Variants in ST14 observed in about 807,000 individuals in gnomAD.
ST14 encodes ST14 transmembrane serine protease matriptase, also known as suppressor of tumorigenicity 14 protein.
A neutral mutation model predicts 96.5 loss-of-function variants in ST14; 40 were observed. The ratio of observed to expected loss-of-function variants is 0.41; its 90% CI spans 0.32 to 0.54. The LOEUF (loss-of-function observed/expected upper bound fraction) is 0.54. ST14 is among the 20% of genes least tolerant of loss of function. ST14 has a pLI of 0.17. For missense variants in ST14, 1,066 were observed against 1,188.9 expected, an observed-to-expected ratio of 0.90 and a Z score of 1.52; for synonymous variants, 506 against 492.1, an observed-to-expected ratio of 1.03 and a Z score of -0.37.
intron 1 of ST14, among the ~76,000 whole-genome samples, chr11:130,179,446 T>G (rs1438893325): frequency 6.6e-6 from 1 of 152,184 alleles, no homozygotes; most frequent in African/African-American, 2.4e-5. Flanking sequence ...TTTCTTTTCC[T>G]TTCTCATTTG....
intron 11 of ST14, among the ~76,000 whole-genome samples, chr11:130,197,516 C>T (rs1428806568): frequency 1.3e-5 from 2 of 152,190 alleles, no homozygotes; most frequent in African/African-American, 4.8e-5. Flanking sequence ...CAGCCCAGCA[C>T]ACAGGGCAGG....
rs111313708 is a variant in ST14, at chr11:130,188,297, C to T, written c.241+24C>T. 4,320 of 1,605,686 alleles carry T rather than the reference C, an allele frequency of 2.7e-3. 74 individuals are homozygous for T. In the African/African-American group the frequency reaches 0.044, roughly 16 times the overall value. On this transcript the variant is annotated intron_variant, in intron 2 of 18. Transcript: ENST00000278742. This position sits in a 1 kb window ranked among gnomAD's most constrained non-coding sequence, Gnocchi z 5.4. ...GTGTGAGTAAAGCTGGGGCTGGCTCCGGGGAGGACGACAAGGGGTGGCTGT... is the reference window on the plus strand; with the variant it reads ...GTGTGAGTAAAGCTGGGGCTGGCTCTGGGGAGGACGACAAGGGGTGGCTGT...
At chr11:130,189,060 G>T in intron 4 of ST14, 121 bp downstream of exon 4, 3 of 1,098,494 alleles carry the variant, frequency 2.7e-6, no homozygotes, top group Non-Finnish European at 4.1e-6. Flanking sequence ...GGAGAGCCAA[G>T]GAGGGTCCTC....
In ST14 at chr11:130,187,013, A is replaced by C. The variant is rs1953243875; in HGVS notation, c.82-1101A>C. Reference sequence around the variant, plus strand: ...CAGGAGTGAGGAGAATCTTTCATGCAGTGAGTTGATAATGGGTAAATGTGA... The same window carrying C: ...CAGGAGTGAGGAGAATCTTTCATGCCGTGAGTTGATAATGGGTAAATGTGA... On this transcript the variant is annotated intron_variant, in intron 1 of 18. Coordinates refer to ENST00000278742, the MANE Select transcript of ST14 (RefSeq NM_021978.4). This position sits in a 1 kb window ranked among gnomAD's most constrained non-coding sequence, Gnocchi z 4.5. Among the ~76,000 whole-genome samples, 1 of 152,226 alleles carries C rather than the reference A, an allele frequency of 6.6e-6. No homozygotes were observed.
At position 130,188,778 on chromosome 11, in the gene ST14, G is replaced by C; in HGVS notation, c.370-91G>C. The C allele has an allele frequency of 6.2e-7, 1 of 1,603,796 alleles. No homozygotes were observed. Among genetic ancestry groups the C allele is most frequent in the Non-Finnish European group, 8.5e-7 (1 of 1,172,762 alleles). On this transcript the variant is annotated intron_variant, in intron 3 of 18. Coordinates refer to ENST00000278742, the MANE Select transcript of ST14 (RefSeq NM_021978.4). This position sits in a 1 kb window ranked among gnomAD's most constrained non-coding sequence, Gnocchi z 5.4. The stretch of plus-strand genomic sequence containing the variant: ...CTGGGATGGGGGTGATCTGCAAAGG[G>C]GACCCGGGCCCTGGAGGGGAGGGAG...
chr11:130,175,569 C>T (rs940839625), intron 1 of ST14, among the ~76,000 whole-genome samples: 3 of 150,432 alleles, frequency 2.0e-5, no homozygotes, highest in Non-Finnish European at 3.0e-5. Context: ...TTAGTAGAGA[C>T]GGGGTTTCTC....
At chr11:130,189,339 G>A in intron 4 of ST14, 1 of 440,494 alleles carries the variant, frequency 2.3e-6, no homozygotes. Context: ...TTCTCAAAGT[G>A]CTTTTTATTT....
At chr11:130,164,425 T>G (rs79494397) in intron 1 of ST14, among the ~76,000 whole-genome samples, 3 of 146,128 alleles carry the variant, frequency 2.1e-5, no homozygotes, top group African/African-American at 2.5e-5. Flanking sequence ...TTATTACTGT[T>G]TTTTTTTTTT....
intron 1 of ST14, among the ~76,000 whole-genome samples, chr11:130,173,836 G>C (rs949513703): frequency 9.2e-5 from 14 of 152,142 alleles, no homozygotes; most frequent in Admixed American, 1.3e-4. Context: ...CTCTGGGAGA[G>C]AGCAGAAGGC....
At chr11:130,204,001 A>G (rs1047922707) in intron 16 of ST14, among the ~76,000 whole-genome samples, 8 of 152,126 alleles carry the variant, frequency 5.3e-5, no homozygotes, top group African/African-American at 1.9e-4. Context: ...CCTTCAGGCC[A>G]TAGGTGGCCA....
At chr11:130,205,168 C>G (rs886292884) in intron 16 of ST14, among the ~76,000 whole-genome samples, 2 of 152,056 alleles carry the variant, frequency 1.3e-5, no homozygotes, top group Non-Finnish European at 2.9e-5. Flanking sequence ...CACTCTGTCC[C>G]CAGGCTGGAG....
intron 1 of ST14, among the ~76,000 whole-genome samples, chr11:130,164,816 C>A (rs1047957941): frequency 1.3e-5 from 2 of 151,822 alleles, no homozygotes; most frequent in African/African-American, 2.4e-5. Context: ...CAGCTCACCA[C>A]AACCTCCGCC....
At position 130,210,110 on chromosome 11, in the gene ST14, G is replaced by C. The variant is rs1175043835; in HGVS notation, c.*287G>C. The C allele has an allele frequency of 2.2e-6, 1 of 445,130 alleles. No individual in the cohort carries two copies. The highest frequency in any genetic ancestry group is 4.1e-6 in the Non-Finnish European group (1 of 244,354). The allele number at this position is 445,130 out of a possible 1,614,324, so 27.6% of individuals were successfully genotyped here. A position where few individuals can be genotyped will look rare whatever the true frequency, so the allele number is the denominator to read the frequency against. ...CCCCGCCAGCCCCAAGCTGGGCCGA[G>C]GCGCGTTTGTGCATATCTGCCTCCC... On this transcript the variant is annotated 3_prime_UTR_variant, in exon 19 of 19. Coordinates refer to ENST00000278742, the MANE Select transcript of ST14 (RefSeq NM_021978.4).
rs202166839 is a variant in ST14, at chr11:130,208,579, G to C, written c.2164G>C (p.Glu722Gln). ...IALLELEKPA[E>Q]YSSMVRPICL... ...GCTGCTGGAGCTGGAGAAACCGGCAGAGTACAGCTCCATGGTGCGGCCCAT... is the reference window on the plus strand; with the variant it reads ...GCTGCTGGAGCTGGAGAAACCGGCACAGTACAGCTCCATGGTGCGGCCCAT... The change falls in exon 17 of 19, where the codon GAG becomes CAG. Residue 722 changes from glutamate to glutamine, a missense_variant. By Grantham distance (29) the Glu-to-Gln change is conservative. Coordinates refer to ENST00000278742, the MANE Select transcript of ST14 (RefSeq NM_021978.4). The C allele has an allele frequency of 1.1e-4, 177 of 1,614,222 alleles. No individual in the cohort carries two copies. The Admixed American group carries it at 1.4e-3, about 13-fold the overall frequency.
intron 10 of ST14, 59 bp downstream of exon 10, chr11:130,196,507 C>T: frequency 5.1e-6 from 8 of 1,573,858 alleles, no homozygotes; most frequent in South Asian, 1.1e-5. Flanking sequence ...GGGGTCCCAC[C>T]AGACCCCCAG....
In ST14 at chr11:130,196,655, G is replaced by A. The variant is rs763171074; in HGVS notation, c.1309G>A (p.Asp437Asn). 3.3e-5 allele frequency: 54 copies of A among 1,613,986 alleles called. No homozygotes were observed. Among genetic ancestry groups the A allele is most frequent in the Non-Finnish European group, 4.2e-5 (50 of 1,180,038 alleles). ...VRFHSDQSYT[D>N]TGFLAEYLSY... is the part of the protein sequence containing the mutation. ...CTTCCACTCAGATCAGTCCTACACC[G>A]ACACCGGCTTCTTAGCTGAATACCT... The change falls in exon 11 of 19, where the codon GAC becomes AAC. Residue 437 changes from aspartate to asparagine, a missense_variant. By Grantham distance (23) the Asp-to-Asn change is conservative (BLOSUM62 1). Coordinates refer to ENST00000278742, the MANE Select transcript of ST14 (RefSeq NM_021978.4).
At chr11:130,194,607 G>C (rs765646956) in intron 8 of ST14, 33 bp from the exon 9 acceptor site, 3 of 1,611,148 alleles carry the variant, frequency 1.9e-6, no homozygotes, top group Non-Finnish European at 2.5e-6. Context: ...GCAGGTTCCT[G>C]ATCCTCTTGC....
At chr11:130,192,141 A>G (rs1356340474) in intron 7 of ST14, among the ~76,000 whole-genome samples, 1 of 152,238 alleles carries the variant, frequency 6.6e-6, no homozygotes, top group African/African-American at 2.4e-5. Flanking sequence ...TCGCTGGGCC[A>G]GAGCCTTCCG....
At chr11:130,206,566 T>TC (rs1565629464) in intron 16 of ST14, among the ~76,000 whole-genome samples, 1 of 99,208 alleles carries the variant, frequency 1.0e-5, no homozygotes, top group Non-Finnish European at 2.1e-5. Flanking sequence ...TCTTTTCTTT[T>TC]CTTTTTTTTT....
Sources: allele counts gnomAD v4.1 joint callset (sites outside exome capture counted in the v4.1 genomes callset), GRCh38; gene constraint gnomAD v4.1.1; non-coding constraint Gnocchi (gnomAD v3.1); transcripts MANE v1.5; gene names NCBI Gene and HGNC (gene_info 2026-07-23, HGNC 2026-07-21).